The following COL25A1 variants were observed in gnomAD, a reference collection of about 807,000 sequenced individuals.
COL25A1 encodes collagen alpha-1(XXV) chain.
Under a neutral mutation model 128.4 loss-of-function variants are expected in COL25A1, and 103 were observed. The ratio of observed to expected loss-of-function variants is 0.80; its 90% CI spans 0.68 to 0.94. COL25A1 has a LOEUF of 0.94. Among genes scored for constraint, COL25A1 ranks in the 40% least tolerant of loss-of-function variants. The pLI is 0.00. For synonymous variants in COL25A1, 279 were observed against 277.2 expected (o/e 1.01, Z -0.06); for missense variants, 745 against 840.0 (o/e 0.89, Z 1.40).
chr4:108,912,562 T>A (rs1285396671), intron 13 of COL25A1, among the ~76,000 whole-genome samples: 1 of 152,012 alleles, frequency 6.6e-6, no homozygotes, highest in Non-Finnish European at 1.5e-5. Flanking sequence ...TAAAGGAAAA[T>A]TTTAAGCTAA....
chr4:109,096,339 C>A (rs780404223), intron 3 of COL25A1, among the ~76,000 whole-genome samples: 3 of 152,162 alleles, frequency 2.0e-5, no homozygotes, highest in Admixed American at 2.0e-4. Flanking sequence ...TATAATGGAG[C>A]TGAAAAATTC....
intron 3 of COL25A1, among the ~76,000 whole-genome samples, chr4:109,074,704 G>T (rs994624397): frequency 4.6e-5 from 7 of 152,094 alleles, no homozygotes; most frequent in Non-Finnish European, 8.8e-5. Flanking sequence ...ATGATTAAAT[G>T]ATTTACTCAT....
chr4:109,236,015 C>A (rs1295181774), intron 3 of COL25A1, among the ~76,000 whole-genome samples: 1 of 151,890 alleles, frequency 6.6e-6, no homozygotes, highest in Non-Finnish European at 1.5e-5. Flanking sequence ...GTGCTTAATA[C>A]GTAATACTGA....
intron 6 of COL25A1, among the ~76,000 whole-genome samples, chr4:108,982,363 T>C (rs534673513): frequency 1.8e-4 from 27 of 152,206 alleles, no homozygotes; most frequent in African/African-American, 6.0e-4. Flanking sequence ...ACAAAACAAA[T>C]AAACTTGGTC....
chr4:109,023,455 G>A (rs1209989135), intron 5 of COL25A1, among the ~76,000 whole-genome samples: 1 of 152,188 alleles, frequency 6.6e-6, no homozygotes, highest in Admixed American at 6.5e-5. Flanking sequence ...ATAGTAACAA[G>A]ATACCAGTGC....
chr4:109,128,448 C>T (rs960007928), intron 3 of COL25A1, among the ~76,000 whole-genome samples: 5 of 152,200 alleles, frequency 3.3e-5, no homozygotes, highest in Non-Finnish European at 5.9e-5. Flanking sequence ...ACCTGTGGGT[C>T]CCTGCTTCGA....
At chr4:109,250,541 C>T (rs1014513537) in intron 3 of COL25A1, among the ~76,000 whole-genome samples, 5 of 152,104 alleles carry the variant, frequency 3.3e-5, no homozygotes, top group South Asian at 2.1e-4. Context: ...GAACTGAGAA[C>T]GAAGAGAGCC....
At chr4:108,871,005 A>G (rs1387787781) in intron 19 of COL25A1, among the ~76,000 whole-genome samples, 1 of 152,212 alleles carries the variant, frequency 6.6e-6, no homozygotes, top group African/African-American at 2.4e-5. Flanking sequence ...TTTCTTATAC[A>G]TATTTCTTAT....
At chr4:109,116,442 TAAG>T (rs1464894419) in intron 3 of COL25A1, among the ~76,000 whole-genome samples, 1 of 151,882 alleles carries the variant, frequency 6.6e-6, no homozygotes, top group African/African-American at 2.4e-5. Context: ...AAAGGGGAAA[TAAG>T]AAGCACTGGT....
chr4:108,934,047 C>A (rs7692933), intron 11 of COL25A1, among the ~76,000 whole-genome samples: 3,626 of 152,100 alleles, frequency 0.024, 128 homozygotes, highest in African/African-American at 0.082. Flanking sequence ...ATATTTATTG[C>A]GGTACTATTC....
intron 36 of COL25A1, 110 bp from the exon 37 acceptor site, chr4:108,817,545 G>T: frequency 1.1e-6 from 1 of 902,464 alleles, no homozygotes; most frequent in Non-Finnish European, 1.7e-6. Flanking sequence ...TAGTGACTTT[G>T]GTCATGGGCA....
At chr4:108,835,315 C>A (rs1733646668) in intron 31 of COL25A1, among the ~76,000 whole-genome samples, 1 of 152,070 alleles carries the variant, frequency 6.6e-6, no homozygotes, top group East Asian at 1.9e-4. Context: ...ATTGGTTAGA[C>A]CAAGGAGTAT....
At chr4:109,216,277 GGAA>G (rs1341322186) in intron 3 of COL25A1, among the ~76,000 whole-genome samples, 1 of 145,458 alleles carries the variant, frequency 6.9e-6, no homozygotes, top group East Asian at 2.0e-4. Context: ...AAAAAAGGAA[GGAA>G]GGAAGGAAGG....
At chr4:109,056,543 C>G (rs77818687) in intron 3 of COL25A1, among the ~76,000 whole-genome samples, 1,581 of 151,696 alleles carry the variant, frequency 0.01, 29 homozygotes, top group African/African-American at 0.036. Context: ...TATGCTAATT[C>G]CACATAAAAT....
Position 108,954,858 on chromosome 4 carries a change from C to A in COL25A1, c.493-13421G>T, listed in dbSNP as rs1749877698. 3.3e-5 allele frequency among the ~76,000 whole-genome samples: 5 copies of A among 151,634 alleles called. No homozygotes were observed. In the South Asian group the frequency reaches 1.0e-3, roughly 32 times the overall value. On this transcript the variant is annotated intron_variant, in intron 8 of 37. Transcript: ENST00000399132. ...CTCTGGGTTTGAAACCATAACTAATCAAGACCAAGGAAAAAACTTTCTCTG... is the reference window on the plus strand; with the variant it reads ...CTCTGGGTTTGAAACCATAACTAATAAAGACCAAGGAAAAAACTTTCTCTG...
intron 3 of COL25A1, among the ~76,000 whole-genome samples, chr4:109,183,766 T>C (rs1774883701): frequency 6.6e-6 from 1 of 152,134 alleles, no homozygotes; most frequent in African/African-American, 2.4e-5. Flanking sequence ...TGCCCGTATG[T>C]GCATTTCCCT....
At chr4:108,836,302 G>A (rs1035407867) in intron 31 of COL25A1, among the ~76,000 whole-genome samples, 1 of 152,108 alleles carries the variant, frequency 6.6e-6, no homozygotes, top group African/African-American at 2.4e-5. Flanking sequence ...TTTTAAAAAA[G>A]GGCAGACTTT....
chr4:108,920,996 T>C (rs72668372), intron 11 of COL25A1: 5,048 of 161,558 alleles, frequency 0.031, 125 homozygotes, highest in Non-Finnish European at 0.051. Context: ...ATTAGATGAC[T>C]TCTGCACCTG....
intron 19 of COL25A1, among the ~76,000 whole-genome samples, chr4:108,880,557 G>A (rs6830799): frequency 0.56 from 84,375 of 151,948 alleles, 24,671 homozygotes; most frequent in East Asian, 1. Context: ...AATCAAAACC[G>A]ACACAGCATT....
Sources: gnomAD v4.1 joint callset for allele counts (sites outside exome capture counted in the v4.1 genomes callset) on GRCh38, gnomAD v4.1.1 for gene constraint, MANE v1.5 for transcripts, NCBI Gene and HGNC (gene_info 2026-07-23, HGNC 2026-07-21) for gene names.